CARS1: variants seen among roughly 807,000 people sequenced by gnomAD.
The protein encoded by CARS1 is cysteinyl-tRNA synthetase 1.
CARS1 carries 48 observed loss-of-function variants against 106.2 expected under a neutral mutation model. The observed-to-expected ratio is 0.45, with a 90% CI of 0.36 to 0.57. The LOEUF (loss-of-function observed/expected upper bound fraction) is 0.57. Among genes scored for constraint, CARS1 ranks in the 20% least tolerant of loss-of-function variants. The pLI, the probability that CARS1 is intolerant of heterozygous loss-of-function variation, is 0.00. For missense variants in CARS1, 968 were observed against 1,057.2 expected (o/e 0.92, Z 1.17); for synonymous variants, 409 against 403.4 (o/e 1.01, Z -0.17).
Position 3,041,117 on chromosome 11 carries a change from T to C in CARS1, c.367-133A>G. ...CAATTCAACAGAGACCATTTTGTTT[T>C]ACTGTGAAAAGTCACAGTCTCAGTG... On this transcript the variant is annotated intron_variant, in intron 3 of 22. Coordinates refer to ENST00000380525, the MANE Select transcript of CARS1 (RefSeq NM_001014437.3). This position sits in a 1 kb window ranked among gnomAD's most constrained non-coding sequence, Gnocchi z 4.9. The C allele has an allele frequency of 6.9e-7, 1 of 1,458,288 alleles. No homozygotes were observed. The highest frequency in any genetic ancestry group is 9.3e-7 in the Non-Finnish European group (1 of 1,070,592). 90.3% of individuals were successfully genotyped at this position (1,458,288 alleles called of 1,614,324 possible).
chr11:3,041,146 G>T lies in CARS1; in HGVS notation c.367-162C>A. 1 of 1,146,926 alleles carries T rather than the reference G, an allele frequency of 8.7e-7. No homozygotes were observed. Among genetic ancestry groups the T allele is most frequent in the Non-Finnish European group, 1.2e-6 (1 of 817,640 alleles). 71.0% of individuals were successfully genotyped at this position (1,146,926 alleles called of 1,614,324 possible). A position where few individuals can be genotyped will look rare whatever the true frequency, so the allele number is the denominator to read the frequency against. ...GTGAAAAGTCACAGTCTCAGTGGGA[G>T]CCCAGTGAGATGTACGGCACCTCCC... On this transcript the variant is annotated intron_variant, in intron 3 of 22. Transcript: ENST00000380525. This position sits in a 1 kb window ranked among gnomAD's most constrained non-coding sequence, Gnocchi z 4.9.
intron 1 of CARS1, among the ~76,000 whole-genome samples, chr11:3,054,652 G>A (rs1011007315): frequency 3.3e-5 from 5 of 152,080 alleles, no homozygotes; most frequent in Admixed American, 2.0e-4. Context: ...CTGGCTAGTC[G>A]TGATGGTGGA....
At position 3,045,425 on chromosome 11, in the gene CARS1, C is replaced by T. The variant is rs1341811728; in HGVS notation, c.274+2328G>A. ...GACTATAGGCACCCGCCATCACGCC[C>T]GGCTAATTTTTTGTATTTTTAGTAG... On this transcript the variant is annotated intron_variant, in intron 2 of 22. Transcript: ENST00000380525. The surrounding 1 kb of genome is among the most constrained non-coding windows in gnomAD (Gnocchi z 5.6). Among the ~76,000 whole-genome samples, 2 of 152,234 alleles carry T rather than the reference C, an allele frequency of 1.3e-5. No homozygotes were observed. Among genetic ancestry groups the T allele is most frequent in the Non-Finnish European group, 2.9e-5 (2 of 68,016 alleles).
chr11:3,037,853 G>A lies in CARS1; in HGVS notation c.801+197C>T, dbSNP rs1341514383. ...CACAGGCTCTGCACCCAGGAAATGGGGCAAAGGGGTGTGGGAGGGGAGGGG... is the reference window on the plus strand; with the variant it reads ...CACAGGCTCTGCACCCAGGAAATGGAGCAAAGGGGTGTGGGAGGGGAGGGG... On this transcript the variant is annotated intron_variant, in intron 7 of 22. Transcript: ENST00000380525. The surrounding 1 kb of genome is among the most constrained non-coding windows in gnomAD (Gnocchi z 5.9). Among the ~76,000 whole-genome samples the A allele has an allele frequency of 1.3e-5, 2 of 152,170 alleles. No individual in the cohort carries two copies. The highest frequency in any genetic ancestry group is 1.9e-4 in the East Asian group (1 of 5,196).
rs1042131718 is a variant in CARS1, at chr11:3,048,275, C to T, written c.26-274G>A. On this transcript the variant is annotated intron_variant, in intron 1 of 22. Transcript: ENST00000380525. The surrounding 1 kb of genome is among the most constrained non-coding windows in gnomAD (Gnocchi z 5.1). The stretch of plus-strand genomic sequence containing the variant: ...ATGAAGGCTGCATGACAACATCATG[C>T]GCCAAATACCACAGAATTGTGTACT... 6.2e-5 allele frequency: 24 copies of T among 389,340 alleles called. No homozygotes were observed. The highest frequency in any genetic ancestry group is 1.2e-4 in the Admixed American group (3 of 24,470). The allele number at this position is 389,340 out of a possible 1,614,324, so 24.1% of individuals were successfully genotyped here. A position where few individuals can be genotyped will look rare whatever the true frequency, so the allele number is the denominator to read the frequency against.
At position 3,001,074 on chromosome 11, in the gene CARS1, A is replaced by C. The variant is rs1391912603; in HGVS notation, c.*40T>G. Reference sequence around the variant, plus strand: ...ATTGTCACTGAGGCAGACAGCAGCCACTAGTCCACAATGGTTTAAAAAGTC... The same window carrying C: ...ATTGTCACTGAGGCAGACAGCAGCCCCTAGTCCACAATGGTTTAAAAAGTC... On this transcript the variant is annotated 3_prime_UTR_variant, in exon 23 of 23. Transcript: ENST00000380525. The C allele has an allele frequency of 6.2e-7, 1 of 1,608,298 alleles. No homozygotes were observed. The highest frequency in any genetic ancestry group is 1.1e-5 in the South Asian group (1 of 91,012).
rs546004750 is a variant in CARS1 at position 3,037,027 on chromosome 11, T to C, written c.801+1023A>G. On this transcript the variant is annotated intron_variant, in intron 7 of 22. Coordinates refer to ENST00000380525, the MANE Select transcript of CARS1 (RefSeq NM_001014437.3). This position sits in a 1 kb window ranked among gnomAD's most constrained non-coding sequence, Gnocchi z 5.9. ...CACAATTAAAAAAAAAAAAAGAATATTAGTGGAACAACTGGGAAAAAAATT... is the reference window on the plus strand; with the variant it reads ...CACAATTAAAAAAAAAAAAAGAATACTAGTGGAACAACTGGGAAAAAAATT... 6.6e-6 allele frequency among the ~76,000 whole-genome samples: 1 copy of C among 151,654 alleles called. No homozygotes were observed. Among genetic ancestry groups the C allele is most frequent in the African/African-American group, 2.4e-5 (1 of 41,234 alleles).
Position 3,048,117 on chromosome 11 carries a change from C to T in CARS1, c.26-116G>A. 7.8e-7 allele frequency: 1 copy of T among 1,277,564 alleles called. No individual in the cohort carries two copies. Among genetic ancestry groups the T allele is most frequent in the Non-Finnish European group, 1.1e-6 (1 of 940,070 alleles). 79.1% of individuals were successfully genotyped at this position (1,277,564 alleles called of 1,614,324 possible). A position where few individuals can be genotyped will look rare whatever the true frequency, so the allele number is the denominator to read the frequency against. On this transcript the variant is annotated intron_variant, in intron 1 of 22. Coordinates refer to ENST00000380525, the MANE Select transcript of CARS1 (RefSeq NM_001014437.3). This position sits in a 1 kb window ranked among gnomAD's most constrained non-coding sequence, Gnocchi z 5.1. ...CAAGGAAAAAGGTGTTCAAGCCCTT[C>T]CCTGGACGCCAAACATCCAGAACAG...
rs376418613 is a variant in CARS1 at position 3,041,544 on chromosome 11, A to G, written c.367-560T>C. 6.6e-6 allele frequency among the ~76,000 whole-genome samples: 1 copy of G among 152,058 alleles called. No individual in the cohort carries two copies. Among genetic ancestry groups the G allele is most frequent in the East Asian group, 1.9e-4 (1 of 5,160 alleles). ...ACCCTCAGACCTCTCTGGGGGCATC[A>G]TCCTCAACCAGTTTCCCAAGGAAGG... On this transcript the variant is annotated intron_variant, in intron 3 of 22. Transcript: ENST00000380525. This position sits in a 1 kb window ranked among gnomAD's most constrained non-coding sequence, Gnocchi z 4.9.
At position 3,021,785 on chromosome 11, in the gene CARS1, TC is replaced by T. The variant is rs969797162; in HGVS notation, c.1154-1454del. Among the ~76,000 whole-genome samples the T allele has an allele frequency of 6.6e-6, 1 of 152,218 alleles. No homozygotes were observed. Among genetic ancestry groups the T allele is most frequent in the Non-Finnish European group, 1.5e-5 (1 of 68,042 alleles). Reference sequence around the variant, plus strand: ...TATCCACCAACACGGAAGGCCGCTGTCCTGGCTTCCTTCTACCTCCGCACTG... The same window carrying T: ...TATCCACCAACACGGAAGGCCGCTGTCTGGCTTCCTTCTACCTCCGCACTG... On this transcript the variant is annotated intron_variant, in intron 10 of 22. Transcript: ENST00000380525. The surrounding 1 kb of genome is among the most constrained non-coding windows in gnomAD (Gnocchi z 5.3).
At chr11:3,011,927 A>G (rs1850502082) in intron 18 of CARS1, among the ~76,000 whole-genome samples, 1 of 152,150 alleles carries the variant, frequency 6.6e-6, no homozygotes, top group Admixed American at 6.5e-5. Flanking sequence ...ATCATATCAC[A>G]TCCTCGGTCC....
intron 17 of CARS1, among the ~76,000 whole-genome samples, chr11:3,013,792 G>T (rs1277609768): frequency 6.6e-6 from 1 of 152,182 alleles, no homozygotes; most frequent in African/African-American, 2.4e-5. Flanking sequence ...GGCAGAGGGT[G>T]CAGTGACCGG....
At position 3,052,913 on chromosome 11, in the gene CARS1, G is replaced by A. The variant is rs990749391; in HGVS notation, c.25+4430C>T. Among the ~76,000 whole-genome samples, 2 of 152,232 alleles carry A rather than the reference G, an allele frequency of 1.3e-5. No individual in the cohort carries two copies. Among genetic ancestry groups the A allele is most frequent in the African/African-American group, 2.4e-5 (1 of 41,458 alleles). ...TCGTAGAGCCTGCACGCTCCGTGCC[G>A]AAACTCCTGCTCTGCCCCCATGAGA... On this transcript the variant is annotated intron_variant, in intron 1 of 22. Transcript: ENST00000380525. The surrounding 1 kb of genome is among the most constrained non-coding windows in gnomAD (Gnocchi z 4.6).
intron 20 of CARS1, among the ~76,000 whole-genome samples, 155 bp from the exon 21 acceptor site, chr11:3,002,755 A>C (rs1849511737): frequency 6.6e-6 from 1 of 152,012 alleles, no homozygotes; most frequent in Non-Finnish European, 1.5e-5. Flanking sequence ...AGACAAGCCC[A>C]TGTGCCGGGC....
intron 1 of CARS1, among the ~76,000 whole-genome samples, chr11:3,055,429 C>T (rs972970541): frequency 6.6e-6 from 1 of 152,244 alleles, no homozygotes; most frequent in African/African-American, 2.4e-5. Context: ...GTGTGAGCCA[C>T]TGCGCCTGGC....
rs925262226 is a variant in CARS1 at position 3,022,498 on chromosome 11, C to T, written c.1154-2166G>A. Reference sequence around the variant, plus strand: ...CCACCATACAATTACTACGCTTCTTCTACGGCAACCCCTGGTATCCCGGTA... The same window carrying T: ...CCACCATACAATTACTACGCTTCTTTTACGGCAACCCCTGGTATCCCGGTA... On this transcript the variant is annotated intron_variant, in intron 10 of 22. Coordinates refer to ENST00000380525, the MANE Select transcript of CARS1 (RefSeq NM_001014437.3). This position sits in a 1 kb window ranked among gnomAD's most constrained non-coding sequence, Gnocchi z 4.9. Among the ~76,000 whole-genome samples the T allele has an allele frequency of 6.6e-6, 1 of 152,196 alleles. No homozygotes were observed. Among genetic ancestry groups the T allele is most frequent in the Non-Finnish European group, 1.5e-5 (1 of 68,038 alleles).
intron 7 of CARS1, among the ~76,000 whole-genome samples, chr11:3,033,205 T>C (rs1211104266): frequency 6.6e-6 from 1 of 151,986 alleles, no homozygotes; most frequent in Non-Finnish European, 1.5e-5. Context: ...CACAAAATAT[T>C]AACCACACGG....
chr11:3,019,196 G>A lies in CARS1; in HGVS notation c.1338C>T (p.His446=), dbSNP rs760604996. 4.6e-6 allele frequency: 7 copies of A among 1,530,584 alleles called. No individual in the cohort carries two copies. Among genetic ancestry groups the A allele is most frequent in the Admixed American group, 2.2e-5 (1 of 45,038 alleles). The allele number at this position is 1,530,584 out of a possible 1,614,324, so 94.8% of individuals were successfully genotyped here. A position where few individuals can be genotyped will look rare whatever the true frequency, so the allele number is the denominator to read the frequency against. ...GGAACCGGAGGTCGAACCCACCTCC[G>A]TGAATGTCCATCGAAGCCCCTAGGA... ...GTLLGASMDI[H]GGGFDLRFPH... is the part of the protein sequence containing the mutation. The change falls in exon 12 of 23, where the codon CAC becomes CAT. Residue 446 remains histidine (H), a synonymous_variant. Transcript: ENST00000380525. The surrounding 1 kb of genome is among the most constrained non-coding windows in gnomAD (Gnocchi z 6.2).
Position 3,042,223 on chromosome 11 carries a change from G to A in CARS1, c.308C>T (p.Pro103Leu), listed in dbSNP as rs992210396. The A allele has an allele frequency of 6.2e-7, 1 of 1,613,462 alleles. No homozygotes were observed. The highest frequency in any genetic ancestry group is 1.3e-5 in the African/African-American group (1 of 75,062). Residue 103 changes from proline (P) to leucine (L), a missense_variant, in exon 3 of 23, where the codon CCT (proline) becomes CTT (leucine). Pro to Leu is a moderately conservative substitution (Grantham distance 98). Transcript: ENST00000380525. ...KGRRVQPQWS[P>L]PAGTQPCRLH... ...TCTGCATGGCTGGGTCCCAGCAGGA[G>A]GGGACCACTGGGGCTGCACACGCCG...
Sources: allele counts gnomAD v4.1 joint callset (sites outside exome capture counted in the v4.1 genomes callset), GRCh38; gene constraint gnomAD v4.1.1; non-coding constraint Gnocchi (gnomAD v3.1); transcripts MANE v1.5; gene names NCBI Gene and HGNC (gene_info 2026-07-23, HGNC 2026-07-21).